The following ZFHX3 variants were observed in gnomAD, a reference collection of about 807,000 sequenced individuals.
The protein encoded by ZFHX3 is zinc finger homeobox protein 3.
A neutral mutation model predicts 279.1 loss-of-function variants in ZFHX3; 42 were observed. The observed-to-expected ratio is 0.15, with a 90% CI of 0.12 to 0.19. The LOEUF (loss-of-function observed/expected upper bound fraction) is 0.19. Ranked by LOEUF, ZFHX3 falls within the 10% of genes least tolerant of loss-of-function variation. The probability of loss-of-function intolerance (pLI) is 1.00; values close to 1 mark genes in which losing one functional copy is unlikely to be tolerated. For missense variants in ZFHX3, 4,981 were observed against 4,754.0 expected, an observed-to-expected ratio of 1.05 and a Z score of -1.40; for synonymous variants, 2,293 against 1,957.8, an observed-to-expected ratio of 1.17 and a Z score of -4.52.
intron 3 of ZFHX3, among the ~76,000 whole-genome samples, chr16:73,385,467 G>C (rs889271544): frequency 5.9e-5 from 9 of 152,082 alleles, no homozygotes; most frequent in African/African-American, 2.2e-4. Context: ...TCACTTATAG[G>C]CCCTGGCAGC....
intron 2 of ZFHX3, among the ~76,000 whole-genome samples, chr16:73,664,330 C>T (rs911813188): frequency 6.6e-6 from 1 of 152,170 alleles, no homozygotes; most frequent in African/African-American, 2.4e-5. Flanking sequence ...AATGGAGAAA[C>T]TGGGCTTTGA....
At chr16:73,467,488 C>A (rs1450692593) in intron 2 of ZFHX3, among the ~76,000 whole-genome samples, 3 of 152,084 alleles carry the variant, frequency 2.0e-5, no homozygotes. Flanking sequence ...GGGAAGTATT[C>A]AGGGGGTAGT....
At chr16:73,441,461 C>A (rs978883012) in intron 3 of ZFHX3, among the ~76,000 whole-genome samples, 1 of 152,150 alleles carries the variant, frequency 6.6e-6, no homozygotes, top group Admixed American at 6.5e-5. Context: ...GCCCATCCAG[C>A]CAACCAATCA....
At chr16:73,434,673 T>A (rs1025642490) in intron 3 of ZFHX3, among the ~76,000 whole-genome samples, 1 of 152,142 alleles carries the variant, frequency 6.6e-6, no homozygotes, top group Admixed American at 6.5e-5. Context: ...GGTGATCAGA[T>A]AACATCATTG....
At chr16:73,890,255 C>CAAAAAAAAAAAAA (rs779097957) in intron 1 of ZFHX3, among the ~76,000 whole-genome samples, 1 of 136,114 alleles carries the variant, frequency 7.3e-6, no homozygotes, top group African/African-American at 2.8e-5. Context: ...AAAAAAAAAA[C>CAAAAAAAAAAAAA]AACAAAAAAA....
intron 7 of ZFHX3, among the ~76,000 whole-genome samples, chr16:73,120,431 A>G (rs1208979311): frequency 6.6e-6 from 1 of 151,596 alleles, no homozygotes; most frequent in African/African-American, 2.4e-5. Flanking sequence ...ATGCTCCATT[A>G]ATTTTTCATA....
chr16:73,699,763 G>A (rs1194347908), intron 1 of ZFHX3, among the ~76,000 whole-genome samples: 1 of 152,084 alleles, frequency 6.6e-6, no homozygotes, highest in Non-Finnish European at 1.5e-5. Flanking sequence ...CCTCTTACTT[G>A]TACTTTTACA....
In ZFHX3 at chr16:73,760,020, A is replaced by ATTTT. The variant is rs1555500052; in HGVS notation, c.-1607-79781_-1607-79780insAAAA. ...TGAATCCAGGAGCTGTTTTTTTTTA[A>ATTTT]AAAAAAATTAATAAAACAGACAACT... On this transcript the variant is annotated intron_variant, in intron 1 of 17. Coordinates refer to the ZFHX3 transcript ENST00000641206. Among the ~76,000 whole-genome samples, 354 of 132,196 alleles carry ATTTT rather than the reference A, an allele frequency of 2.7e-3. 2 individuals are homozygous for ATTTT. Among genetic ancestry groups the ATTTT allele is most frequent in the African/African-American group, 9.2e-3 (321 of 34,902 alleles). The allele number at this position is 132,196 out of a possible 152,430, so 86.7% of individuals were successfully genotyped here. A position where few individuals can be genotyped will look rare whatever the true frequency, so the allele number is the denominator to read the frequency against.
rs201366558 is a variant in ZFHX3 at position 73,296,877 on chromosome 16, A to ATTTTTTTTTTTT, written c.-1194+21351_-1194+21362dup. Among the ~76,000 whole-genome samples the ATTTTTTTTTTTT allele has an allele frequency of 4.9e-3, 565 of 115,946 alleles. 48 individuals carry two copies. Among genetic ancestry groups the ATTTTTTTTTTTT allele is most frequent in the African/African-American group, 7.6e-3 (219 of 28,702 alleles). 76.1% of individuals were successfully genotyped at this position (115,946 alleles called of 152,430 possible). On this transcript the variant is annotated intron_variant, in intron 4 of 17. Coordinates refer to the ZFHX3 transcript ENST00000641206. ...TTTATAATTGCCATGTGAAGCAGGA[A>ATTTTTTTTTTTT]TTTTTTTTTTTTTTTTTTTGAGACG...
intron 8 of ZFHX3, chr16:73,093,062 G>A: frequency 1.9e-6 from 1 of 519,876 alleles, no homozygotes; most frequent in Non-Finnish European, 3.8e-6. Flanking sequence ...ATATCCTTTT[G>A]CTATTTGACC....
chr16:73,639,634 T>G (rs889807981), intron 2 of ZFHX3, among the ~76,000 whole-genome samples: 3 of 152,242 alleles, frequency 2.0e-5, no homozygotes, highest in Admixed American at 6.5e-5. Flanking sequence ...CTGTATAAAT[T>G]TAATGGCATT....
In ZFHX3 at chr16:73,025,257, T is replaced by C. The variant is rs569180957; in HGVS notation, c.-50+22495A>G. 9.9e-5 allele frequency among the ~76,000 whole-genome samples: 15 copies of C among 152,220 alleles called. No individual in the cohort carries two copies. The East Asian group carries it at 2.3e-3, about 24-fold the overall frequency. ...CCCTGCACCGCCCTGCCCCAAGTCCTTCCCAATGCGGCGGCAGCCACCAGC... is the reference window on the plus strand; with the variant it reads ...CCCTGCACCGCCCTGCCCCAAGTCCCTCCCAATGCGGCGGCAGCCACCAGC... On this transcript the variant is annotated intron_variant, in intron 1 of 9. Coordinates refer to ENST00000268489, the MANE Select transcript of ZFHX3 (RefSeq NM_006885.4).
intron 1 of ZFHX3, among the ~76,000 whole-genome samples, chr16:73,838,062 A>T (rs954785328): frequency 6.6e-6 from 1 of 152,214 alleles, no homozygotes; most frequent in African/African-American, 2.4e-5. Context: ...ATTAGCATTT[A>T]CATGTCTCCA....
At chr16:73,592,083 T>G (rs1033926580) in intron 2 of ZFHX3, among the ~76,000 whole-genome samples, 6 of 151,734 alleles carry the variant, frequency 4.0e-5, no homozygotes, top group Non-Finnish European at 7.4e-5. Flanking sequence ...AATACAAAAA[T>G]TAGCTGGGCG....
chr16:73,177,002 G>C (rs1967680879), intron 5 of ZFHX3, among the ~76,000 whole-genome samples: 1 of 152,008 alleles, frequency 6.6e-6, no homozygotes, highest in African/African-American at 2.4e-5. Context: ...GGAGGCACTT[G>C]GTCCAATTAA....
intron 3 of ZFHX3, among the ~76,000 whole-genome samples, chr16:73,334,810 CTTTTT>C (rs368597124): frequency 1.5e-3 from 84 of 57,914 alleles, no homozygotes; most frequent in African/African-American, 3.3e-3. Context: ...CTTTCTCATT[CTTTTT>C]TTTTTTTTTT....
chr16:73,881,474 CT>C (rs2142412810), intron 1 of ZFHX3, among the ~76,000 whole-genome samples: 4 of 69,692 alleles, frequency 5.7e-5, no homozygotes, highest in African/African-American at 9.3e-5. Context: ...CTCTCTCTCT[CT>C]CTCTGCCCCC....
chr16:73,596,662 A>G (rs1567528901), intron 2 of ZFHX3, among the ~76,000 whole-genome samples: 1 of 152,188 alleles, frequency 6.6e-6, no homozygotes, highest in African/African-American at 2.4e-5. Flanking sequence ...GGTTAGGATA[A>G]GCATTTCTCC....
chr16:73,868,252 G>A (rs577758158), intron 1 of ZFHX3, among the ~76,000 whole-genome samples: 1 of 152,226 alleles, frequency 6.6e-6, no homozygotes, highest in Non-Finnish European at 1.5e-5. Context: ...GCCAAGTGGG[G>A]TGGCTCACGC....
Sources: gnomAD v4.1 joint callset for allele counts (sites outside exome capture counted in the v4.1 genomes callset) on GRCh38, gnomAD v4.1.1 for gene constraint, MANE v1.5 for transcripts, NCBI Gene and HGNC (gene_info 2026-07-23, HGNC 2026-07-21) for gene names.